The following RAP1GAP2 variants were observed in gnomAD, a reference collection of about 807,000 sequenced individuals.
RAP1GAP2 encodes rap1 GTPase-activating protein 2.
Under a neutral mutation model 95.0 loss-of-function variants are expected in RAP1GAP2, and 27 were observed. The observed-to-expected ratio is 0.28, with a 90% CI of 0.21 to 0.39. RAP1GAP2 has a LOEUF of 0.39. Among genes scored for constraint, RAP1GAP2 ranks in the 10% least tolerant of loss-of-function variants. The probability of loss-of-function intolerance (pLI) is 1.00; values close to 1 mark genes in which losing one functional copy is unlikely to be tolerated. For synonymous variants in RAP1GAP2, 373 were observed against 380.9 expected, an observed-to-expected ratio of 0.98 and a Z score of 0.24; for missense variants, 771 against 970.0, an observed-to-expected ratio of 0.79 and a Z score of 2.72.
chr17:3,020,304 C>T (rs770145135), intron 18 of RAP1GAP2, among the ~76,000 whole-genome samples, 173 bp from the exon 19 acceptor site: 3 of 152,222 alleles, frequency 2.0e-5, no homozygotes, highest in Non-Finnish European at 4.4e-5. Context: ...TGTGACTGGC[C>T]TGAGTCTCCA....
At chr17:2,974,965 AC>A (rs372905999) in intron 8 of RAP1GAP2, among the ~76,000 whole-genome samples, 2 of 152,342 alleles carry the variant, frequency 1.3e-5, no homozygotes, top group African/African-American at 2.4e-5. Flanking sequence ...ACGGTAGCTC[AC>A]GCCTGTAATC....
In RAP1GAP2 at chr17:2,837,373, A is replaced by C. The variant is rs560225668; in HGVS notation, c.80+36823A>C. 9.2e-5 allele frequency among the ~76,000 whole-genome samples: 14 copies of C among 151,998 alleles called. No homozygotes were observed. The South Asian group carries it at 2.9e-3, about 32-fold the overall frequency. ...GGGCAGCCCCGTATAAACCACAAAA[A>C]CCAACAGTGGTGTCAGAGTGCTCCC... is the stretch of plus-strand genomic sequence containing the variant. On this transcript the variant is annotated intron_variant, in intron 2 of 24. Coordinates refer to ENST00000254695, the MANE Select transcript of RAP1GAP2 (RefSeq NM_015085.5).
rs886458712 is a variant in RAP1GAP2 at position 3,005,862 on chromosome 17, A to G, written c.1273-93A>G. On this transcript the variant is annotated intron_variant, in intron 15 of 24. Transcript: ENST00000254695. The surrounding 1 kb of genome is among the most constrained non-coding windows in gnomAD (Gnocchi z 5.2). ...AAGGGACTTTTCAGGGGTTCTCCCC[A>G]TGGCCCCGGCTCTGCCTGCCTGTCA... The G allele has an allele frequency of 3.3e-6, 4 of 1,228,224 alleles. No individual in the cohort carries two copies. Among genetic ancestry groups the G allele is most frequent in the Non-Finnish European group, 4.8e-6 (4 of 829,276 alleles). The allele number at this position is 1,228,224 out of a possible 1,614,324, so 76.1% of individuals were successfully genotyped here.
At chr17:2,874,168 G>C (rs946338445) in intron 2 of RAP1GAP2, among the ~76,000 whole-genome samples, 1 of 152,194 alleles carries the variant, frequency 6.6e-6, no homozygotes, top group Non-Finnish European at 1.5e-5. Context: ...GATAATAAAA[G>C]AGTCTGTATT....
chr17:2,828,815 A>G (rs1241439791), intron 2 of RAP1GAP2, among the ~76,000 whole-genome samples: 3 of 151,860 alleles, frequency 2.0e-5, no homozygotes, highest in Non-Finnish European at 2.9e-5. Context: ...TCTTGCTTTC[A>G]GTGTTTCTTT....
chr17:2,777,759 C>T (rs1597287230), intron 1 of RAP1GAP2, among the ~76,000 whole-genome samples: 3 of 152,300 alleles, frequency 2.0e-5, no homozygotes, highest in African/African-American at 4.8e-5. Flanking sequence ...GGGCTGTCAT[C>T]AGAGAAGCCT....
rs985215765 is a variant in RAP1GAP2, at chr17:2,804,991, C to T, written c.80+4441C>T. On this transcript the variant is annotated intron_variant, in intron 2 of 24. Transcript: ENST00000254695. The stretch of plus-strand genomic sequence containing the variant: ...TTCTCAGGACCTTGGTGATGGTAGG[C>T]GCTCGCTGTTGAGTGAGTGAATGCA... 4.6e-5 allele frequency among the ~76,000 whole-genome samples: 7 copies of T among 152,254 alleles called. No homozygotes were observed. In the South Asian group the frequency reaches 8.3e-4, roughly 18 times the overall value.
chr17:2,981,524 C>T (rs1444583010), intron 10 of RAP1GAP2, among the ~76,000 whole-genome samples: 2 of 152,168 alleles, frequency 1.3e-5, no homozygotes, highest in African/African-American at 4.8e-5. Context: ...TCCACCACAC[C>T]TCATTGGTAC....
At chr17:2,844,379 A>T (rs1259370849) in intron 2 of RAP1GAP2, among the ~76,000 whole-genome samples, 1 of 152,028 alleles carries the variant, frequency 6.6e-6, no homozygotes, top group Non-Finnish European at 1.5e-5. Context: ...TGGGAACTGA[A>T]TTTTTTTCCC....
At chr17:2,826,803 C>T (rs1037119316) in intron 2 of RAP1GAP2, among the ~76,000 whole-genome samples, 26 of 151,984 alleles carry the variant, frequency 1.7e-4, no homozygotes, top group African/African-American at 5.6e-4. Flanking sequence ...GTCAAGAGAT[C>T]GAGACCATCC....
At chr17:2,991,418 G>A (rs1203438546) in intron 12 of RAP1GAP2, 21 bp downstream of exon 12, 7 of 1,549,696 alleles carry the variant, frequency 4.5e-6, no homozygotes, top group Non-Finnish European at 5.3e-6. Context: ...GCCAAGTGAC[G>A]GCTCCAGCTC....
At chr17:3,010,336 C>CAAAAAAAAA (rs1179623628) in intron 17 of RAP1GAP2, among the ~76,000 whole-genome samples, 3 of 70,272 alleles carry the variant, frequency 4.3e-5, no homozygotes, top group South Asian at 5.0e-4. Context: ...GAGACTGTCT[C>CAAAAAAAAA]AAAAAAAAAA....
At chr17:2,756,352 C>A (rs560664412) in intron 1 of RAP1GAP2, among the ~76,000 whole-genome samples, 7 of 152,232 alleles carry the variant, frequency 4.6e-5, no homozygotes, top group Admixed American at 4.6e-4. Flanking sequence ...CGCCCTTTCC[C>A]CCTCCGCAGT....
intron 16 of RAP1GAP2, among the ~76,000 whole-genome samples, chr17:3,006,675 C>T (rs180851869): frequency 4.6e-5 from 7 of 152,076 alleles, no homozygotes; most frequent in Admixed American, 2.0e-4. Flanking sequence ...CCTCGTGATC[C>T]GCCTGCCTCG....
At chr17:3,017,752 A>G (rs2046818055) in intron 17 of RAP1GAP2, among the ~76,000 whole-genome samples, 1 of 152,140 alleles carries the variant, frequency 6.6e-6, no homozygotes, top group Non-Finnish European at 1.5e-5. Context: ...TACCTGTAAG[A>G]TGAAGATAAT....
Position 2,852,961 on chromosome 17 carries a change from C to G in RAP1GAP2, c.81-52323C>G, listed in dbSNP as rs542643086. Reference sequence around the variant, plus strand: ...GCTGGCAGGGGCGGGAGGGACCACGCGACGAGTGCGCAGCGGCCAGGCCCG... The same window carrying G: ...GCTGGCAGGGGCGGGAGGGACCACGGGACGAGTGCGCAGCGGCCAGGCCCG... On this transcript the variant is annotated intron_variant, in intron 2 of 24. Transcript: ENST00000254695. Among the ~76,000 whole-genome samples, 5 of 152,054 alleles carry G rather than the reference C, an allele frequency of 3.3e-5. No homozygotes were observed. The South Asian group carries it at 1.0e-3, about 32-fold the overall frequency.
chr17:2,877,108 C>T (rs545791918), intron 2 of RAP1GAP2, among the ~76,000 whole-genome samples: 32 of 151,974 alleles, frequency 2.1e-4, no homozygotes, highest in Admixed American at 9.2e-4. Context: ...AGGCTGGTCT[C>T]GAACTCCTGA....
upstream of RAP1GAP2, among the ~76,000 whole-genome samples, chr17:2,775,065 T>C (rs1024195277): frequency 3.3e-4 from 50 of 150,386 alleles, no homozygotes; most frequent in African/African-American, 1.2e-3. Context: ...CTCCTGACCT[T>C]AAATGATCCA....
intron 3 of RAP1GAP2, among the ~76,000 whole-genome samples, chr17:2,919,428 G>A (rs1017791179): frequency 1.3e-5 from 2 of 152,204 alleles, no homozygotes; most frequent in African/African-American, 4.8e-5. Flanking sequence ...GCTGGCGTTG[G>A]AATGAGTTTT....
Sources: gnomAD v4.1 joint callset for allele counts (sites outside exome capture counted in the v4.1 genomes callset) on GRCh38, gnomAD v4.1.1 for gene constraint, Gnocchi (gnomAD v3.1) non-coding constraint, MANE v1.5 for transcripts, NCBI Gene and HGNC (gene_info 2026-07-23, HGNC 2026-07-21) for gene names.